ZNF226: variants seen among roughly 807,000 people sequenced by gnomAD.
The protein encoded by ZNF226 is Kruppel-associated box protein.
A neutral mutation model predicts 11.4 loss-of-function variants in ZNF226; 6 were observed. The ratio of observed to expected loss-of-function variants is 0.53; its 90% CI spans 0.29 to 1.04. The LOEUF is 1.04. Ranked by LOEUF, ZNF226 falls within the 50% of genes least tolerant of loss-of-function variation. ZNF226 has a pLI of 0.08. For synonymous variants in ZNF226, 350 were observed against 322.8 expected, an observed-to-expected ratio of 1.08 and a Z score of -0.90; for missense variants, 1,058 against 956.5, an observed-to-expected ratio of 1.11 and a Z score of -1.40.
At chr19:44,170,134 A>C in intron 3 of ZNF226, 39 bp downstream of exon 3, 1 of 1,603,992 alleles carries the variant, frequency 6.2e-7, no homozygotes, top group Non-Finnish European at 8.5e-7. Context: ...TAAAAATACC[A>C]TTTTAGTACT....
At chr19:44,186,048 T>C in the ZNF226 span, among the ~76,000 whole-genome samples, 7 of 152,112 alleles carry the variant, frequency 4.6e-5, no homozygotes, top group African/African-American at 1.7e-4. Context: ...TTGGCACTCT[T>C]GTCAAAATCA....
In ZNF226 at chr19:44,177,325, T is replaced by A; in HGVS notation, c.2063T>A (p.Met688Lys). Reference protein sequence around the residue: ...KGFKWSLNLDMHQRVHTGEKP... With the variant: ...KGFKWSLNLDKHQRVHTGEKP... Reference sequence around the variant, plus strand: ...TTCAAGTGGAGCTTGAACCTTGACATGCATCAGAGGGTGCACACAGGAGAA... The same window carrying A: ...TTCAAGTGGAGCTTGAACCTTGACAAGCATCAGAGGGTGCACACAGGAGAA... Residue 688 changes from methionine (M) to lysine (K), a missense_variant, in exon 6 of 6, where the codon ATG (methionine) becomes AAG (lysine). Physicochemically the swap from Met to Lys is moderately conservative, Grantham distance 95. Transcript: ENST00000337433. 4 of 1,614,058 alleles carry A rather than the reference T, an allele frequency of 2.5e-6. No individual in the cohort carries two copies. Among genetic ancestry groups the A allele is most frequent in the Non-Finnish European group, 3.4e-6 (4 of 1,179,976 alleles).
the ZNF226 span, among the ~76,000 whole-genome samples, chr19:44,184,502 C>G: frequency 6.6e-6 from 1 of 151,900 alleles, no homozygotes; most frequent in East Asian, 1.9e-4. Context: ...CTGCTTGAAT[C>G]CGGGAGGCGG....
Position 44,177,225 on chromosome 19 carries a change from A to G in ZNF226, c.1963A>G (p.Ser655Gly). The G allele has an allele frequency of 6.2e-7, 1 of 1,613,992 alleles. No individual in the cohort carries two copies. The highest frequency in any genetic ancestry group is 8.5e-7 in the Non-Finnish European group (1 of 1,179,978). The change falls in exon 6 of 6, where the codon AGT becomes GGT. Residue 655 changes from serine to glycine, a missense_variant. By Grantham distance (56) the Ser-to-Gly change is moderately conservative (BLOSUM62 0). Transcript: ENST00000337433. Reference protein sequence around the residue: ...CEECGKSFGRSAHLQAHQKVH... With the variant: ...CEECGKSFGRGAHLQAHQKVH... ...AGAATGTGGGAAGAGTTTCGGTCGG[A>G]GTGCACATCTTCAAGCCCATCAAAA... is the stretch of plus-strand genomic sequence containing the variant.
At chr19:44,187,374 C>T in the ZNF226 span, among the ~76,000 whole-genome samples, 1 of 151,742 alleles carries the variant, frequency 6.6e-6, no homozygotes, top group African/African-American at 2.4e-5. The surrounding 1 kb of genome is among the most constrained non-coding windows in gnomAD (Gnocchi z 4.0). Flanking sequence ...CTAGTTTATC[C>T]ATTTCTTCTA....
rs1402508752 is a variant in ZNF226 at position 44,170,056 on chromosome 19, A to G, written c.-25A>G. ...CTAGTTCAGCTTCTTAGGACTCTGC[A>G]CTTCCCCAGAAGGAAGAATTAAAAA... On this transcript the variant is annotated 5_prime_UTR_variant, in exon 3 of 6. Coordinates refer to ENST00000337433, the MANE Select transcript of ZNF226 (RefSeq NM_001032373.2). 3.7e-6 allele frequency: 6 copies of G among 1,608,744 alleles called. No homozygotes were observed. The highest frequency in any genetic ancestry group is 1.7e-5 in the Admixed American group (1 of 59,320).
At chr19:44,168,896 A>C (rs1016954768) in intron 2 of ZNF226, among the ~76,000 whole-genome samples, 1 of 144,160 alleles carries the variant, frequency 6.9e-6, no homozygotes, top group African/African-American at 2.6e-5. Context: ...TTCTACCTTT[A>C]TTAGTTTATG....
At chr19:44,169,581 T>TA (rs1969835830) in intron 2 of ZNF226, 1 of 152,750 alleles carries the variant, frequency 6.5e-6, no homozygotes, top group African/African-American at 2.4e-5. Context: ...ATAAATAAGA[T>TA]ACCTGACTGT....
chr19:44,186,214 AT>A, the ZNF226 span, among the ~76,000 whole-genome samples: 6 of 151,516 alleles, frequency 4.0e-5, no homozygotes, highest in South Asian at 2.1e-4. Flanking sequence ...AAATTTTAGA[AT>A]TTTTTTTTCC....
the ZNF226 span, among the ~76,000 whole-genome samples, chr19:44,184,061 A>G: frequency 1.3e-5 from 2 of 152,226 alleles, no homozygotes; most frequent in Admixed American, 6.5e-5. Flanking sequence ...GAGTGCTTTT[A>G]TGCTAAAATG....
At chr19:44,171,300 A>C (rs976071700) in intron 3 of ZNF226, among the ~76,000 whole-genome samples, 6 of 152,214 alleles carry the variant, frequency 3.9e-5, no homozygotes, top group Admixed American at 3.3e-4. Context: ...ACAGTGTGTC[A>C]AGATTTAACA....
At position 44,177,094 on chromosome 19, in the gene ZNF226, G is replaced by A. The variant is rs368637456; in HGVS notation, c.1832G>A (p.Gly611Glu). 2 of 1,613,982 alleles carry A rather than the reference G, an allele frequency of 1.2e-6. No individual in the cohort carries two copies. The highest frequency in any genetic ancestry group is 1.7e-6 in the Non-Finnish European group (2 of 1,179,978). Residue 611 changes from glycine (G) to glutamate (E), a missense_variant, in exon 6 of 6, where the codon GGA becomes GAA. Coordinates refer to ENST00000337433, the MANE Select transcript of ZNF226 (RefSeq NM_001032373.2). Reference sequence around the variant, plus strand: ...AAAATTCACTGTAGGATCCACACAGGAGAGAAACCATATAATTGTGAGGAG... The same window carrying A: ...AAAATTCACTGTAGGATCCACACAGAAGAGAAACCATATAATTGTGAGGAG... Reference protein sequence around the residue: ...DLKIHCRIHTGEKPYNCEECG... With the variant: ...DLKIHCRIHTEEKPYNCEECG...
chr19:44,184,439 G>C, the ZNF226 span, among the ~76,000 whole-genome samples: 4 of 152,100 alleles, frequency 2.6e-5, no homozygotes, highest in African/African-American at 9.7e-5. Flanking sequence ...AATTAGCCGG[G>C]TGTGGTGGCG....
chr19:44,187,091 T>C, the ZNF226 span, among the ~76,000 whole-genome samples: 3 of 151,992 alleles, frequency 2.0e-5, no homozygotes, highest in Non-Finnish European at 1.5e-5. The surrounding 1 kb of genome is among the most constrained non-coding windows in gnomAD (Gnocchi z 4.0). Context: ...TTTTCTTGTG[T>C]GTCTTTGCTT....
chr19:44,184,378 A>G, the ZNF226 span, among the ~76,000 whole-genome samples: 1 of 152,052 alleles, frequency 6.6e-6, no homozygotes, highest in African/African-American at 2.4e-5. Context: ...TCAGGGGTTC[A>G]AGACCAGCCT....
chr19:44,176,082 C>T lies in ZNF226; in HGVS notation c.820C>T (p.Gln274Ter), dbSNP rs760381514. 6.2e-7 allele frequency: 1 copy of T among 1,614,150 alleles called. No homozygotes were observed. The highest frequency in any genetic ancestry group is 8.5e-7 in the Non-Finnish European group (1 of 1,180,020). The change falls in exon 6 of 6, where the codon CAA becomes TAA. Residue 274 changes from glutamine to a stop codon, truncating the protein, a stop_gained. Transcript: ENST00000337433. LOFTEE classifies it low-confidence loss of function (END_TRUNC). ...LSSFDLHQQL[Q>*]SGEKSLTCVE... ...CAGCTTTGATCTTCATCAGCAGTTA[C>T]AATCAGGAGAGAAGTCTCTTACATG... is the stretch of plus-strand genomic sequence containing the variant.
chr19:44,191,269 C>T, the ZNF226 span, among the ~76,000 whole-genome samples: 7 of 152,030 alleles, frequency 4.6e-5, no homozygotes, highest in Non-Finnish European at 1.0e-4. Context: ...CTTAGAATAA[C>T]CATCATTAAA....
rs35919865 is a variant in ZNF226 at position 44,167,314 on chromosome 19, C to CTT, written c.-47+1527_-47+1528dup. On this transcript the variant is annotated intron_variant, in intron 2 of 5. Coordinates refer to ENST00000337433, the MANE Select transcript of ZNF226 (RefSeq NM_001032373.2). ...TTAATGACTTTCCTAATTTCTTTAA[C>CTT]TTTTTTTTTTTTTTTTTTTTTGAGG... Among the ~76,000 whole-genome samples the CTT allele has an allele frequency of 4.7e-3, 500 of 105,626 alleles. 3 individuals carry two copies. Among genetic ancestry groups the CTT allele is most frequent in the African/African-American group, 6.5e-3 (178 of 27,202 alleles). 69.3% of individuals were successfully genotyped at this position (105,626 alleles called of 152,430 possible). A position where few individuals can be genotyped will look rare whatever the true frequency, so the allele number is the denominator to read the frequency against.
intron 1 of ZNF226, 83 bp from the exon 2 acceptor site, chr19:44,165,674 A>G: frequency 6.6e-6 from 1 of 152,166 alleles, no homozygotes; most frequent in East Asian, 1.9e-4. Flanking sequence ...GTTGCTTCTA[A>G]CTGGTCCTGG....
Sources: gnomAD v4.1 joint callset for allele counts (sites outside exome capture counted in the v4.1 genomes callset) on GRCh38, gnomAD v4.1.1 for gene constraint, Gnocchi (gnomAD v3.1) non-coding constraint, MANE v1.5 for transcripts, NCBI Gene and HGNC (gene_info 2026-07-23, HGNC 2026-07-21) for gene names.